CDH13: variants seen among roughly 807,000 people sequenced by gnomAD.
CDH13 encodes the protein cadherin 13, also known as cadherin-13.
Under a neutral mutation model 63.8 loss-of-function variants are expected in CDH13, and 24 were observed. That is an observed-to-expected ratio of 0.38 (90% confidence interval 0.27 to 0.53). CDH13 has a LOEUF of 0.53. Ranked by LOEUF, CDH13 falls within the 20% of genes least tolerant of loss-of-function variation. The pLI is 0.85. For missense variants in CDH13, 1,049 were observed against 903.1 expected (o/e 1.16, Z -2.07); for synonymous variants, 503 against 355.3 (o/e 1.42, Z -4.67).
chr16:83,788,925 C>G (rs966119276), intron 13 of CDH13, among the ~76,000 whole-genome samples: 3 of 152,082 alleles, frequency 2.0e-5, no homozygotes, highest in African/African-American at 7.2e-5. Context: ...TAGTTTCAGC[C>G]CCCAAAAAAC....
At chr16:83,626,444 A>G (rs1361229711) in intron 8 of CDH13, among the ~76,000 whole-genome samples, 2 of 152,158 alleles carry the variant, frequency 1.3e-5, no homozygotes, top group Non-Finnish European at 2.9e-5. Flanking sequence ...GGCGTTAATG[A>G]AGCACGTGCT....
chr16:82,849,876 CATGATTTATTCAAT>C (rs2039411849), intron 1 of CDH13, among the ~76,000 whole-genome samples: 1 of 152,202 alleles, frequency 6.6e-6, no homozygotes, highest in African/African-American at 2.4e-5. Context: ...CTGTTTACAA[CATGATTTATTCAAT>C]ATTTTAAGCC....
chr16:82,649,384 G>T (rs986200265), intron 1 of CDH13, among the ~76,000 whole-genome samples: 11 of 152,176 alleles, frequency 7.2e-5, no homozygotes, highest in African/African-American at 2.4e-4. Flanking sequence ...CTGGTGAATT[G>T]TAATGTTATA....
intron 5 of CDH13, among the ~76,000 whole-genome samples, chr16:83,342,031 A>ACT (rs2090736772): frequency 1.3e-5 from 2 of 148,642 alleles, no homozygotes; most frequent in African/African-American, 5.0e-5. Context: ...ACACACACAC[A>ACT]CTTTGTCAAT....
chr16:83,100,319 G>C (rs72798331), intron 3 of CDH13, among the ~76,000 whole-genome samples: 8,415 of 152,210 alleles, frequency 0.055, 289 homozygotes, highest in Non-Finnish European at 0.072. Flanking sequence ...AAGCACAGAA[G>C]GGAAATAGGA....
chr16:83,303,330 T>C (rs563103045), intron 5 of CDH13, among the ~76,000 whole-genome samples: 98 of 152,300 alleles, frequency 6.4e-4, no homozygotes, highest in Admixed American at 1.2e-3. Flanking sequence ...AATAACCCAG[T>C]AGGTCCAGAT....
intron 3 of CDH13, among the ~76,000 whole-genome samples, chr16:83,080,678 G>A (rs930987110): frequency 2.6e-5 from 4 of 152,012 alleles, no homozygotes; most frequent in African/African-American, 9.7e-5. Flanking sequence ...GTCTGCTTGT[G>A]TCTTACAGTC....
rs542429577 is a variant in CDH13, at chr16:82,701,946, C to T, written c.45+74809C>T. On this transcript the variant is annotated intron_variant, in intron 1 of 13. Transcript: ENST00000567109. ...ACAGGATGGGTGGGTGCAGTTTCCC[C>T]GAGGAAATTGGAGGGCTGTTCTTGG... is the stretch of plus-strand genomic sequence containing the variant. Among the ~76,000 whole-genome samples the T allele has an allele frequency of 2.4e-4, 37 of 151,304 alleles. No homozygotes were observed. The South Asian group carries it at 6.0e-3, about 25-fold the overall frequency.
intron 1 of CDH13, among the ~76,000 whole-genome samples, chr16:82,837,664 T>C (rs370311301): frequency 4.1e-4 from 62 of 152,280 alleles, no homozygotes; most frequent in East Asian, 1.9e-3. Flanking sequence ...GGTGACACCG[T>C]GTGTGAAATG....
At chr16:82,702,743 C>T (rs2031150020) in intron 1 of CDH13, among the ~76,000 whole-genome samples, 1 of 152,134 alleles carries the variant, frequency 6.6e-6, no homozygotes, top group Admixed American at 6.5e-5. Context: ...TGATCAAAAG[C>T]TTCTTCCTGA....
intron 5 of CDH13, among the ~76,000 whole-genome samples, chr16:83,336,080 C>T (rs1204347004): frequency 6.6e-6 from 1 of 151,972 alleles, no homozygotes; most frequent in East Asian, 1.9e-4. Context: ...GTGGGTGGAT[C>T]ACCTGAGGTC....
chr16:82,793,845 G>A (rs1405491421), intron 1 of CDH13, among the ~76,000 whole-genome samples: 1 of 152,142 alleles, frequency 6.6e-6, no homozygotes, highest in Non-Finnish European at 1.5e-5. Context: ...GCAGGAAGAT[G>A]GGAGTCTCAG....
At chr16:82,696,891 C>A (rs2030366099) in intron 1 of CDH13, among the ~76,000 whole-genome samples, 1 of 152,138 alleles carries the variant, frequency 6.6e-6, no homozygotes, top group Non-Finnish European at 1.5e-5. Context: ...GCTGGAAGAT[C>A]TGCTTTCAAA....
At chr16:83,456,201 C>A (rs1055310477) in intron 6 of CDH13, among the ~76,000 whole-genome samples, 8 of 152,364 alleles carry the variant, frequency 5.3e-5, no homozygotes, top group African/African-American at 1.9e-4. Flanking sequence ...CAGACACATT[C>A]CCTGCTCTGG....
At chr16:82,758,070 G>T (rs2034686468) in intron 1 of CDH13, among the ~76,000 whole-genome samples, 1 of 152,082 alleles carries the variant, frequency 6.6e-6, no homozygotes, top group South Asian at 2.1e-4. Flanking sequence ...TCTCATCTTT[G>T]TTCATGACCG....
chr16:83,025,577 C>T (rs1046528514), intron 2 of CDH13, among the ~76,000 whole-genome samples: 3 of 152,130 alleles, frequency 2.0e-5, no homozygotes, highest in Admixed American at 6.5e-5. Context: ...CCATGACACA[C>T]GGGAGTTATA....
intron 1 of CDH13, among the ~76,000 whole-genome samples, chr16:82,809,184 T>A (rs1374790013): frequency 6.6e-6 from 1 of 152,170 alleles, no homozygotes; most frequent in East Asian, 1.9e-4. Flanking sequence ...AATATCTGTT[T>A]CCTCATACTG....
intron 5 of CDH13, among the ~76,000 whole-genome samples, chr16:83,329,261 T>G (rs2090432459): frequency 6.6e-6 from 1 of 152,244 alleles, no homozygotes; most frequent in Non-Finnish European, 1.5e-5. Flanking sequence ...AGTCCGGCTC[T>G]GTTGCCCAGG....
chr16:82,760,912 G>T (rs1056991739), intron 1 of CDH13, among the ~76,000 whole-genome samples: 7 of 151,044 alleles, frequency 4.6e-5, no homozygotes, highest in African/African-American at 1.5e-4. Context: ...ACTCACTCAT[G>T]ATCGCAGGGT....
Sources: allele counts gnomAD v4.1 joint callset (sites outside exome capture counted in the v4.1 genomes callset), GRCh38; gene constraint gnomAD v4.1.1; transcripts MANE v1.5; gene names NCBI Gene and HGNC (gene_info 2026-07-23, HGNC 2026-07-21).